Variants in RASGRP1 observed in about 807,000 individuals in gnomAD.
RASGRP1 encodes RAS guanyl-releasing protein 1.
RASGRP1 carries 37 observed loss-of-function variants against 95.1 expected under a neutral mutation model. That is an observed-to-expected ratio of 0.39 (90% CI 0.30 to 0.51). The LOEUF is 0.51. Ranked by LOEUF, RASGRP1 falls within the 20% of genes least tolerant of loss-of-function variation. The pLI, the probability that RASGRP1 is intolerant of heterozygous loss-of-function variation, is 0.80. For missense variants in RASGRP1, 711 were observed against 965.4 expected (o/e 0.74, Z 3.49); for synonymous variants, 325 against 353.4 (o/e 0.92, Z 0.90).
In RASGRP1 at chr15:38,489,143, A is replaced by G. The variant is rs975276477; in HGVS notation, c.*1411T>C. ...TAGTTTGGAACTTTTAATTGTTAAC[A>G]TATTCTTGGCAATTGGACAACTTGT... On this transcript the variant is annotated 3_prime_UTR_variant, in exon 17 of 17. Transcript: ENST00000310803. The G allele has an allele frequency of 2.0e-5, 3 of 151,966 alleles. No homozygotes were observed. The highest frequency in any genetic ancestry group is 4.4e-5 in the Non-Finnish European group (3 of 67,878). The allele number at this position is 151,966 out of a possible 1,614,324, so 9.4% of individuals were successfully genotyped here. A position where few individuals can be genotyped will look rare whatever the true frequency, so the allele number is the denominator to read the frequency against.
intron 2 of RASGRP1, 58 bp downstream of exon 2, chr15:38,559,763 A>G: frequency 6.6e-7 from 1 of 1,518,784 alleles, no homozygotes; most frequent in Non-Finnish European, 9.0e-7. Flanking sequence ...AAGCACTTTT[A>G]AAGGACGAAC....
At chr15:38,549,810 G>A (rs1389862570) in intron 2 of RASGRP1, among the ~76,000 whole-genome samples, 1 of 151,794 alleles carries the variant, frequency 6.6e-6, no homozygotes, top group East Asian at 1.9e-4. Context: ...CAGGGCCCTT[G>A]ACTACTCTTT....
At chr15:38,542,618 A>G (rs561927422) in intron 2 of RASGRP1, among the ~76,000 whole-genome samples, 2 of 151,162 alleles carry the variant, frequency 1.3e-5, no homozygotes, top group African/African-American at 4.9e-5. Context: ...TCAGGGCAAC[A>G]TGCAAGGGAA....
chr15:38,499,071 C>T, intron 14 of RASGRP1, 125 bp from the exon 15 acceptor site: 1 of 1,284,476 alleles, frequency 7.8e-7, no homozygotes, highest in East Asian at 2.3e-5. Flanking sequence ...GGAGCTAAGA[C>T]ACTTAACATT....
rs76437358 is a variant in RASGRP1 at position 38,519,271 on chromosome 15, T to G, written c.389+38A>C. The stretch of plus-strand genomic sequence containing the variant: ...CCTTGCTTCACCTTTCATTTCACCT[T>G]GCTCCACAAAGTCTTGAAATACATA... On this transcript the variant is annotated intron_variant, in intron 4 of 16. Coordinates refer to ENST00000310803, the MANE Select transcript of RASGRP1 (RefSeq NM_005739.4). 3,341 of 1,494,652 alleles carry G rather than the reference T, an allele frequency of 2.2e-3. 70 individuals are homozygous for G. The African/African-American group carries it at 0.038, about 17-fold the overall frequency. The allele number at this position is 1,494,652 out of a possible 1,614,324, so 92.6% of individuals were successfully genotyped here.
chr15:38,491,999 T>A (rs766374193), intron 16 of RASGRP1, among the ~76,000 whole-genome samples: 1 of 152,198 alleles, frequency 6.6e-6, no homozygotes, highest in African/African-American at 2.4e-5. Context: ...AAGGACCAAA[T>A]AGGCTGTAGA....
At chr15:38,498,338 T>C (rs919956424) in intron 15 of RASGRP1, among the ~76,000 whole-genome samples, 2 of 152,218 alleles carry the variant, frequency 1.3e-5, no homozygotes, top group Non-Finnish European at 2.9e-5. Context: ...ATGTGTAACC[T>C]TGAGATATCT....
chr15:38,499,403 G>GC (rs1890922548), intron 14 of RASGRP1, among the ~76,000 whole-genome samples: 1 of 152,162 alleles, frequency 6.6e-6, no homozygotes, highest in African/African-American at 2.4e-5. Context: ...ATCTTCTGTT[G>GC]CAGAAGAGAT....
At chr15:38,548,727 T>C (rs1438568476) in intron 2 of RASGRP1, among the ~76,000 whole-genome samples, 2 of 152,230 alleles carry the variant, frequency 1.3e-5, no homozygotes, top group Non-Finnish European at 2.9e-5. Flanking sequence ...TACACACACA[T>C]AATTTTTAGA....
intron 6 of RASGRP1, among the ~76,000 whole-genome samples, chr15:38,515,053 G>GA (rs1186220522): frequency 7.9e-5 from 12 of 152,318 alleles, no homozygotes; most frequent in African/African-American, 2.9e-4. Flanking sequence ...CTTCCTGGCT[G>GA]AGTGACCAAA....
intron 1 of RASGRP1, among the ~76,000 whole-genome samples, chr15:38,562,950 A>G (rs1893873415): frequency 6.6e-6 from 1 of 152,226 alleles, no homozygotes; most frequent in Non-Finnish European, 1.5e-5. Flanking sequence ...GTAAAAGGGA[A>G]GAAAGGGTGA....
Position 38,564,582 on chromosome 15 carries a change from G to A in RASGRP1, c.35+12C>T, listed in dbSNP as rs1893957491. 3 of 1,373,730 alleles carry A rather than the reference G, an allele frequency of 2.2e-6. No homozygotes were observed. Among genetic ancestry groups the A allele is most frequent in the Admixed American group, 2.8e-5 (1 of 36,254 alleles). 85.1% of individuals were successfully genotyped at this position (1,373,730 alleles called of 1,614,324 possible). A position where few individuals can be genotyped will look rare whatever the true frequency, so the allele number is the denominator to read the frequency against. On this transcript the variant is annotated intron_variant, in intron 1 of 16. Transcript: ENST00000310803. ...ACAGGCGCTCCCGAGGGCCACGGCC[G>A]CCTCTACTCACCGCGGAGCCTCTCT... is the stretch of plus-strand genomic sequence containing the variant.
intron 6 of RASGRP1, among the ~76,000 whole-genome samples, chr15:38,515,887 C>CAGAGAG (rs34032922): frequency 1.1e-3 from 156 of 140,966 alleles, no homozygotes; most frequent in Middle Eastern, 3.5e-3. Flanking sequence ...ATGAGAGAGA[C>CAGAGAG]AGAGAGAGAG....
At chr15:38,557,973 T>C (rs910625612) in intron 2 of RASGRP1, among the ~76,000 whole-genome samples, 2 of 152,190 alleles carry the variant, frequency 1.3e-5, no homozygotes, top group Non-Finnish European at 1.5e-5. Context: ...GTTGATAACA[T>C]GATTCTTTGA....
chr15:38,553,021 C>G (rs1226791602), intron 2 of RASGRP1, among the ~76,000 whole-genome samples: 1 of 152,192 alleles, frequency 6.6e-6, no homozygotes, highest in Admixed American at 6.5e-5. Context: ...ATGATGGTCC[C>G]TTATTCAAAA....
chr15:38,558,410 C>A (rs183417363), intron 2 of RASGRP1, among the ~76,000 whole-genome samples: 215 of 152,338 alleles, frequency 1.4e-3, no homozygotes, highest in Non-Finnish European at 2.1e-3. Flanking sequence ...AAAGAGAAAT[C>A]TAATGAAAAT....
At chr15:38,564,491 C>A (rs1038458492) in intron 1 of RASGRP1, 103 bp downstream of exon 1, 1 of 1,165,828 alleles carries the variant, frequency 8.6e-7, no homozygotes, top group African/African-American at 1.6e-5. Flanking sequence ...CCCCGGCCCC[C>A]CTCCGCCCTC....
chr15:38,511,578 G>T, intron 8 of RASGRP1, 26 bp downstream of exon 8: 1 of 1,545,136 alleles, frequency 6.5e-7, no homozygotes, highest in Non-Finnish European at 8.9e-7. Context: ...GCTGCTAAGG[G>T]CCCCAGAGAA....
chr15:38,538,440 C>T (rs1241351929), intron 2 of RASGRP1, among the ~76,000 whole-genome samples: 1 of 152,176 alleles, frequency 6.6e-6, no homozygotes, highest in Non-Finnish European at 1.5e-5. Context: ...GGAAGAAATG[C>T]AGCATCTAAC....
Sources: gnomAD v4.1 joint callset for allele counts (sites outside exome capture counted in the v4.1 genomes callset) on GRCh38, gnomAD v4.1.1 for gene constraint, MANE v1.5 for transcripts, NCBI Gene and HGNC (gene_info 2026-07-23, HGNC 2026-07-21) for gene names.